Variants in TMEM67 observed in about 807,000 individuals in gnomAD.
The protein encoded by TMEM67 is meckelin.
A neutral mutation model predicts 136.6 loss-of-function variants in TMEM67; 124 were observed. The observed-to-expected ratio is 0.91, with a 90% CI of 0.78 to 1.05. The LOEUF (loss-of-function observed/expected upper bound fraction) is 1.05. TMEM67 is among the 50% of genes least tolerant of loss of function. The probability of loss-of-function intolerance (pLI) is 0.00; values close to 1 mark genes in which losing one functional copy is unlikely to be tolerated. For missense variants in TMEM67, 1,107 were observed against 1,178.4 expected (o/e 0.94, Z 0.89); for synonymous variants, 364 against 390.5 (o/e 0.93, Z 0.80).
chr8:93,782,336 C>G (rs1392472134), intron 10 of TMEM67, 59 bp from the exon 11 acceptor site: 2 of 1,370,040 alleles, frequency 1.5e-6, no homozygotes, highest in African/African-American at 2.9e-5. Context: ...TTTGAGAACT[C>G]TTGAGTATAA....
the TMEM67 span, among the ~76,000 whole-genome samples, chr8:93,826,398 G>A: frequency 6.6e-6 from 1 of 151,986 alleles, no homozygotes; most frequent in Non-Finnish European, 1.5e-5. Context: ...CAAAGTGCTG[G>A]GATTAGTTAA....
intron 13 of TMEM67, 54 bp from the exon 14 acceptor site, chr8:93,787,790 A>G: frequency 2.3e-6 from 3 of 1,316,452 alleles, no homozygotes; most frequent in East Asian, 4.6e-5. Context: ...AGTTAAATGT[A>G]TGTTTAAAGG....
In TMEM67 at chr8:93,755,062, G is replaced by T. The variant is rs144253777; in HGVS notation, c.148G>T (p.Asp50Tyr). Reference sequence around the variant, plus strand: ...CCCTTTCCAGCAGCCGGAGAAGTGCGACAACAACCAGTACTTTGATATCTC... The same window carrying T: ...CCCTTTCCAGCAGCCGGAGAAGTGCTACAACAACCAGTACTTTGATATCTC... ...SFPFQQPEKC[D>Y]NNQYFDISAL... The change falls in exon 1 of 28, where the codon GAC (aspartate) becomes TAC (tyrosine). Residue 50 changes from aspartate to tyrosine, a missense_variant. Around this residue, in one of 3 missense-constraint regions of TMEM67, gnomAD observed 178 missense variants for 159.2 expected, o/e 1.12. Coordinates refer to ENST00000453321, the MANE Select transcript of TMEM67 (RefSeq NM_153704.6). 5.6e-6 allele frequency: 9 copies of T among 1,614,040 alleles called. No homozygotes were observed. In the African/African-American group the frequency reaches 9.3e-5, roughly 17 times the overall value.
chr8:93,808,310 T>G (rs1815250051), intron 23 of TMEM67, among the ~76,000 whole-genome samples: 1 of 142,478 alleles, frequency 7.0e-6, no homozygotes, highest in African/African-American at 2.5e-5. Context: ...TTATCATATA[T>G]ATTATAGACA....
At chr8:93,791,113 C>T (rs914141757) in intron 14 of TMEM67, 150 bp from the exon 15 acceptor site, 34 of 596,486 alleles carry the variant, frequency 5.7e-5, no homozygotes, top group Non-Finnish European at 8.7e-5. Context: ...TATCTATTTA[C>T]GTGTAAGTTA....
the TMEM67 span, among the ~76,000 whole-genome samples, chr8:93,830,475 G>A: frequency 1.3e-5 from 2 of 152,214 alleles, no homozygotes; most frequent in Non-Finnish European, 2.9e-5. Context: ...GTATCTGGGA[G>A]CGGGGGTGAT....
chr8:93,817,690 T>C lies in TMEM67; in HGVS notation c.*1238T>C, dbSNP rs186657710. 1 of 152,356 alleles carries C rather than the reference T, an allele frequency of 6.6e-6. No homozygotes were observed. Among genetic ancestry groups the C allele is most frequent in the Admixed American group, 6.5e-5 (1 of 15,308 alleles). 9.4% of individuals were successfully genotyped at this position (152,356 alleles called of 1,614,324 possible). On this transcript the variant is annotated 3_prime_UTR_variant, in exon 28 of 28. Transcript: ENST00000453321. ...GTATTTCTGTTTTCTGTTTCATTAA[T>C]GTATATCTGATGGAGTACCATTTAG...
intron 11 of TMEM67, 32 bp from the exon 12 acceptor site, chr8:93,785,190 T>C (rs1365356482): frequency 3.7e-6 from 5 of 1,333,878 alleles, no homozygotes; most frequent in Non-Finnish European, 5.4e-6. Flanking sequence ...GTTGCTGTTT[T>C]ATGTGCTTTT....
chr8:93,765,897 T>C (rs1487418175), intron 6 of TMEM67, among the ~76,000 whole-genome samples: 1 of 152,214 alleles, frequency 6.6e-6, no homozygotes, highest in Non-Finnish European at 1.5e-5. Flanking sequence ...GTATATGTTC[T>C]GTATAGGATG....
At chr8:93,770,640 A>G (rs1813288774) in intron 6 of TMEM67, among the ~76,000 whole-genome samples, 1 of 152,202 alleles carries the variant, frequency 6.6e-6, no homozygotes, top group African/African-American at 2.4e-5. Context: ...AAGATATTAT[A>G]TAGATGTTGT....
intron 26 of TMEM67, among the ~76,000 whole-genome samples, chr8:93,814,209 G>A (rs1028206896): frequency 7.4e-6 from 1 of 135,830 alleles, no homozygotes; most frequent in Non-Finnish European, 1.6e-5. Flanking sequence ...GCACGATCTC[G>A]GCTCACTGCA....
intron 17 of TMEM67, 30 bp downstream of exon 17, chr8:93,795,537 G>A: frequency 4.0e-6 from 6 of 1,509,574 alleles, no homozygotes; most frequent in Non-Finnish European, 5.5e-6. Context: ...TTCCCCAACT[G>A]CCAATATCTG....
rs1490702775 is a variant in TMEM67, at chr8:93,758,493, C to G, written c.323C>G (p.Thr108Arg). The G allele has an allele frequency of 6.2e-7, 1 of 1,612,774 alleles. No individual in the cohort carries two copies. The highest frequency in any genetic ancestry group is 8.5e-7 in the Non-Finnish European group (1 of 1,179,190). ...KKCPENMKGV[T>R]EDGWNCISCP... ...TTTCTTTTAATTTAGAAAGGTGTTA[C>G]AGAAGATGGCTGGAACTGCATTTCT... Residue 108 changes from threonine to arginine, a missense_variant, in exon 3 of 28, where the codon ACA becomes AGA. Thr to Arg is a moderately conservative substitution (Grantham distance 71). Transcript: ENST00000453321.
rs886460740 is a variant in TMEM67, at chr8:93,804,057, T to A, written c.2322+373T>A. On this transcript the variant is annotated intron_variant, in intron 22 of 27. Coordinates refer to ENST00000453321, the MANE Select transcript of TMEM67 (RefSeq NM_153704.6). ...GCTGGGCTAATTTTTTTTTTTGTAT[T>A]TTTGGTATAGATGGGGTTTCCCCAT... 8.6e-5 allele frequency among the ~76,000 whole-genome samples: 13 copies of A among 151,544 alleles called. No individual in the cohort carries two copies. In the South Asian group the frequency reaches 1.0e-3, roughly 12 times the overall value.
intron 4 of TMEM67, among the ~76,000 whole-genome samples, chr8:93,764,327 A>C (rs924948070): frequency 3.9e-5 from 6 of 152,230 alleles, no homozygotes; most frequent in Admixed American, 6.5e-5. Flanking sequence ...TTGTTGTTAC[A>C]TAATTTGTAT....
chr8:93,817,131 C>A lies in TMEM67; in HGVS notation c.*679C>A, dbSNP rs756327958. 4 of 152,284 alleles carry A rather than the reference C, an allele frequency of 2.6e-5. No individual in the cohort carries two copies. The highest frequency in any genetic ancestry group is 4.1e-4 in the South Asian group (2 of 4,822). 9.4% of individuals were successfully genotyped at this position (152,284 alleles called of 1,614,324 possible). ...ATAGTTTACATTTATTAAGTTATAACGTATGACATTTTTCCCAATATCATT... is the reference window on the plus strand; with the variant it reads ...ATAGTTTACATTTATTAAGTTATAAAGTATGACATTTTTCCCAATATCATT... On this transcript the variant is annotated 3_prime_UTR_variant, in exon 28 of 28. Transcript: ENST00000453321.
chr8:93,781,807 G>T (rs1366070217), intron 10 of TMEM67, 63 bp downstream of exon 10: 2 of 956,134 alleles, frequency 2.1e-6, no homozygotes, highest in Non-Finnish European at 3.3e-6. Context: ...ACAAAGCCAA[G>T]AGGAAAAGAT....
At chr8:93,814,575 TC>T (rs1237633682) in intron 26 of TMEM67, among the ~76,000 whole-genome samples, 1 of 151,818 alleles carries the variant, frequency 6.6e-6, no homozygotes, top group Non-Finnish European at 1.5e-5. Flanking sequence ...CATGCAGTCC[TC>T]CCATCTCAGC....
At position 93,785,322 on chromosome 8, in the gene TMEM67, T is replaced by C. The variant is rs1331032363; in HGVS notation, c.1232T>C (p.Leu411Ser). Residue 411 changes from leucine to serine, a missense_variant, in exon 12 of 28, where the codon TTG becomes TCG. Coordinates refer to ENST00000453321, the MANE Select transcript of TMEM67 (RefSeq NM_153704.6). ...YTDENQHQYI[L>S]AVPVLNLNLQ... ...GATGAAAATCAACATCAATATATTT[T>C]GGCTGTGCCTGTGTTAAACCTAAAT... is the stretch of plus-strand genomic sequence containing the variant. 6.2e-7 allele frequency: 1 copy of C among 1,609,776 alleles called. No individual in the cohort carries two copies. The highest frequency in any genetic ancestry group is 1.1e-5 in the South Asian group (1 of 90,832).
Sources: gnomAD v4.1 joint callset for allele counts (sites outside exome capture counted in the v4.1 genomes callset) on GRCh38, gnomAD v4.1.1 for gene constraint, gnomAD v4.1.1 regional missense constraint, MANE v1.5 for transcripts, NCBI Gene and HGNC (gene_info 2026-07-23, HGNC 2026-07-21) for gene names.